The following GPLD1 variants were observed in gnomAD, a reference collection of about 807,000 sequenced individuals.
GPLD1 encodes the protein glycosylphosphatidylinositol specific phospholipase D1.
In GPLD1, 84 loss-of-function variants were observed where a neutral mutation model predicts 112.6. The observed-to-expected ratio is 0.75, with a 90% CI of 0.63 to 0.89. The LOEUF (loss-of-function observed/expected upper bound fraction) is 0.89, where lower values mean the gene tolerates loss of function less well. Ranked by LOEUF, GPLD1 falls within the 40% of genes least tolerant of loss-of-function variation. The probability of loss-of-function intolerance (pLI) is 0.00; values close to 1 mark genes in which losing one functional copy is unlikely to be tolerated. For missense variants in GPLD1, 1,044 were observed against 1,051.5 expected, an observed-to-expected ratio of 0.99 and a Z score of 0.10; for synonymous variants, 386 against 403.8, an observed-to-expected ratio of 0.96 and a Z score of 0.53.
intron 2 of GPLD1, among the ~76,000 whole-genome samples, chr6:24,480,539 ACG>A (rs1764167094): frequency 6.6e-6 from 1 of 152,226 alleles, no homozygotes; most frequent in African/African-American, 2.4e-5. Flanking sequence ...AAAGAGAAAA[ACG>A]GACACACAAA....
In GPLD1 at chr6:24,446,570, A is replaced by C. The variant is rs1336024079; in HGVS notation, c.1820+268T>G. Among the ~76,000 whole-genome samples the C allele has an allele frequency of 2.0e-5, 3 of 152,222 alleles. No homozygotes were observed. In the East Asian group the frequency reaches 5.8e-4, roughly 29 times the overall value. On this transcript the variant is annotated intron_variant, in intron 18 of 24. Coordinates refer to ENST00000230036, the MANE Select transcript of GPLD1 (RefSeq NM_001503.4). ...GAAGACAGCCATCTGCAAGCCAAGG[A>C]GACAGGCCTCAGGAGAAACCAACCC...
chr6:24,479,900 G>T lies in GPLD1; in HGVS notation c.213C>A (p.Tyr71Ter). Residue 71 changes from tyrosine to a stop codon, truncating the protein, a stop_gained, in exon 3 of 25, where the codon TAC becomes TAA. Coordinates refer to ENST00000230036, the MANE Select transcript of GPLD1 (RefSeq NM_001503.4). LOFTEE classifies it high-confidence loss of function. ...TCTTACCTCCTTTGCAGATGCTAGG[G>T]TAAAAACAATCAGGAAACACGATTC... ...QAGIVFPDCF[Y>*]PSICKGGKFH... 6.2e-7 allele frequency: 1 copy of T among 1,606,936 alleles called. No individual in the cohort carries two copies. The highest frequency in any genetic ancestry group is 8.5e-7 in the Non-Finnish European group (1 of 1,173,522).
intron 14 of GPLD1, among the ~76,000 whole-genome samples, chr6:24,450,213 C>T (rs953528165): frequency 2.4e-4 from 36 of 152,222 alleles, no homozygotes; most frequent in Non-Finnish European, 1.0e-4. Context: ...AACTTATCTT[C>T]GAAAGTATCT....
chr6:24,494,869 C>T, intron 1 of GPLD1: 1 of 1,089,820 alleles, frequency 9.2e-7, no homozygotes, highest in Non-Finnish European at 1.2e-6. Context: ...CTGCAACCTT[C>T]CGCCAGCTCC....
At chr6:24,442,540 A>G (rs2753928) in intron 20 of GPLD1, among the ~76,000 whole-genome samples, 126,441 of 132,042 alleles carry the variant, frequency 0.96, 60,698 homozygotes, top group Non-Finnish European at 0.99. Flanking sequence ...TGGCTCCGGG[A>G]TTCACGCCAT....
At chr6:24,454,625 T>A (rs892819910) in intron 13 of GPLD1, among the ~76,000 whole-genome samples, 1 of 152,052 alleles carries the variant, frequency 6.6e-6, no homozygotes. Flanking sequence ...CGAGCTTGTG[T>A]GAAATAGACT....
intron 22 of GPLD1, among the ~76,000 whole-genome samples, chr6:24,434,837 C>CAAAAA (rs747085341): frequency 1.5e-5 from 1 of 65,468 alleles, no homozygotes; most frequent in African/African-American, 5.9e-5. Flanking sequence ...GACTCCGTCT[C>CAAAAA]AAAAAAAAAA....
chr6:24,444,482 G>A (rs1416952125), intron 20 of GPLD1, among the ~76,000 whole-genome samples: 3 of 151,510 alleles, frequency 2.0e-5, no homozygotes, highest in Non-Finnish European at 2.9e-5. Context: ...AATCTGGGAG[G>A]AAATGGTTCT....
At position 24,425,968 on chromosome 6, in the gene GPLD1, A is replaced by G. The variant is rs1762222545; in HGVS notation, c.*3064T>C. On this transcript the variant is annotated 3_prime_UTR_variant, in exon 25 of 25. Coordinates refer to ENST00000230036, the MANE Select transcript of GPLD1 (RefSeq NM_001503.4). The stretch of plus-strand genomic sequence containing the variant: ...TTAGTAATACCTACAGAGGTGAGCT[A>G]ATGGATGGTACATGGAGTAGGGACT... 6.6e-6 allele frequency: 1 copy of G among 152,186 alleles called. No individual in the cohort carries two copies. Among genetic ancestry groups the G allele is most frequent in the Non-Finnish European group, 1.5e-5 (1 of 68,034 alleles). 9.4% of individuals were successfully genotyped at this position (152,186 alleles called of 1,614,324 possible).
chr6:24,450,102 T>G (rs1455941399), intron 14 of GPLD1, among the ~76,000 whole-genome samples: 1 of 152,152 alleles, frequency 6.6e-6, no homozygotes, highest in Non-Finnish European at 1.5e-5. Context: ...CTGTCTGCCT[T>G]GAGGGGAAGC....
At chr6:24,457,489 G>A (rs563956427) in intron 12 of GPLD1, among the ~76,000 whole-genome samples, 1 of 152,024 alleles carries the variant, frequency 6.6e-6, no homozygotes, top group East Asian at 1.9e-4. Context: ...TCAACAACAA[G>A]AAAAAGAACA....
chr6:24,474,023 G>A (rs2127360967), intron 5 of GPLD1, among the ~76,000 whole-genome samples: 1 of 152,124 alleles, frequency 6.6e-6, no homozygotes, highest in South Asian at 2.1e-4. Context: ...CTACTTGGGA[G>A]GCTGAGGCAG....
chr6:24,466,331 G>A lies in GPLD1; in HGVS notation c.821+349C>T, dbSNP rs952411542. On this transcript the variant is annotated intron_variant, in intron 10 of 24. Coordinates refer to ENST00000230036, the MANE Select transcript of GPLD1 (RefSeq NM_001503.4). ...CCACTGTACTCCAGCCTGAGCAACA[G>A]AGCAAGACTCTGTCTCAAAATAAAA... Among the ~76,000 whole-genome samples the A allele has an allele frequency of 7.2e-5, 11 of 152,360 alleles. No individual in the cohort carries two copies. The East Asian group carries it at 1.9e-3, about 27-fold the overall frequency.
chr6:24,461,704 T>C (rs149684182), intron 11 of GPLD1, among the ~76,000 whole-genome samples: 3 of 152,170 alleles, frequency 2.0e-5, no homozygotes, highest in Non-Finnish European at 4.4e-5. Context: ...TTGCATTTTT[T>C]CTTCCTAACA....
At chr6:24,433,719 T>C in intron 22 of GPLD1, among the ~76,000 whole-genome samples, 1 of 151,996 alleles carries the variant, frequency 6.6e-6, no homozygotes, top group East Asian at 1.9e-4. Context: ...GGTCTCGAAC[T>C]CCTCACCTCA....
chr6:24,460,127 G>A, intron 12 of GPLD1, 152 bp downstream of exon 12: 1 of 811,882 alleles, frequency 1.2e-6, no homozygotes. Context: ...CAAACTCCTG[G>A]ACTCAAGGGA....
chr6:24,451,624 C>T (rs1763091591), intron 14 of GPLD1, among the ~76,000 whole-genome samples: 1 of 152,244 alleles, frequency 6.6e-6, no homozygotes, highest in Non-Finnish European at 1.5e-5. Flanking sequence ...GCATGAGCCA[C>T]CGCGCCCGGC....
rs1762290014 is a variant in GPLD1, at chr6:24,427,945, G to C, written c.*1087C>G. Among the ~76,000 whole-genome samples, 1 of 151,806 alleles carries C rather than the reference G, an allele frequency of 6.6e-6. No homozygotes were observed. The highest frequency in any genetic ancestry group is 1.5e-5 in the Non-Finnish European group (1 of 67,974). On this transcript the variant is annotated 3_prime_UTR_variant, in exon 25 of 25. Coordinates refer to ENST00000230036, the MANE Select transcript of GPLD1 (RefSeq NM_001503.4). ...CAAGTATAGCATGTTCTCACAAGTGGGTGCTAAGTTAAAAGAACTTATGAA... is the reference window on the plus strand; with the variant it reads ...CAAGTATAGCATGTTCTCACAAGTGCGTGCTAAGTTAAAAGAACTTATGAA...
rs1242822429 is a variant in GPLD1, at chr6:24,449,878, C to A, written c.1357G>T (p.Ala453Ser). The A allele has an allele frequency of 1.2e-6, 2 of 1,613,636 alleles. No homozygotes were observed. Among genetic ancestry groups the A allele is most frequent in the Non-Finnish European group, 1.7e-6 (2 of 1,179,788 alleles). The change falls in exon 15 of 25, where the codon GCC (alanine) becomes TCC (serine). Residue 453 changes from alanine (A) to serine (S), a missense_variant. Ala to Ser is a moderately conservative substitution (Grantham distance 99). Coordinates refer to ENST00000230036, the MANE Select transcript of GPLD1 (RefSeq NM_001503.4). ...GFQPSGRFGS[A>S]LAVLDFNVDG... ...ACGTTAAAGTCCAACACAGCCAAGGCCGAGCCAAACCGACCTGAGGGCTGA... is the reference window on the plus strand; with the variant it reads ...ACGTTAAAGTCCAACACAGCCAAGGACGAGCCAAACCGACCTGAGGGCTGA...
Sources: gnomAD v4.1 joint callset for allele counts (sites outside exome capture counted in the v4.1 genomes callset) on GRCh38, gnomAD v4.1.1 for gene constraint, MANE v1.5 for transcripts, NCBI Gene and HGNC (gene_info 2026-07-23, HGNC 2026-07-21) for gene names.